The following NAALADL2 variants were observed in gnomAD, a reference collection of about 807,000 sequenced individuals.
The protein encoded by NAALADL2 is N-acetylated alpha-linked acidic dipeptidase like 2, also known as inactive N-acetylated-alpha-linked acidic dipeptidase-like protein 2.
In NAALADL2, 76 loss-of-function variants were observed where a neutral mutation model predicts 87.2. The observed-to-expected ratio is 0.87, with a 90% confidence interval of 0.72 to 1.05. The LOEUF is 1.05. Ranked by LOEUF, NAALADL2 falls within the 50% of genes least tolerant of loss-of-function variation. The probability of loss-of-function intolerance (pLI) is 0.00; values close to 1 mark genes in which losing one functional copy is unlikely to be tolerated. For synonymous variants in NAALADL2, 354 were observed against 331.0 expected (o/e 1.07, Z -0.75); for missense variants, 1,089 against 945.8 (o/e 1.15, Z -1.99).
intron 7 of NAALADL2, among the ~76,000 whole-genome samples, chr3:175,464,423 C>CAA (rs11299560): frequency 1.9e-4 from 18 of 97,164 alleles, no homozygotes; most frequent in Middle Eastern, 6.0e-3. Context: ...GACTCCATCT[C>CAA]AAAAAAAAAA....
intron 1 of NAALADL2, among the ~76,000 whole-genome samples, chr3:175,088,103 T>A (rs1719398732): frequency 6.6e-6 from 1 of 152,168 alleles, no homozygotes; most frequent in African/African-American, 2.4e-5. Flanking sequence ...CTTTAGTTTA[T>A]AAGGAACACA....
At chr3:175,471,473 T>C (rs1304865909) in intron 8 of NAALADL2, among the ~76,000 whole-genome samples, 166 bp from the exon 9 acceptor site, 2 of 100,152 alleles carry the variant, frequency 2.0e-5, no homozygotes, top group Non-Finnish European at 3.7e-5. Context: ...AGAGTCTGTC[T>C]CAAAAAAAAA....
chr3:175,140,309 C>T (rs1031915886), intron 2 of NAALADL2, among the ~76,000 whole-genome samples: 1 of 152,056 alleles, frequency 6.6e-6, no homozygotes, highest in Non-Finnish European at 1.5e-5. Context: ...CATTAGATGT[C>T]AGGTATTCAG....
At chr3:175,026,102 T>C (rs554295543) in intron 1 of NAALADL2, among the ~76,000 whole-genome samples, 14 of 152,274 alleles carry the variant, frequency 9.2e-5, no homozygotes, top group African/African-American at 3.4e-4. Flanking sequence ...TAAGCCACTG[T>C]ACCTGGCTGT....
At chr3:174,782,732 C>G (rs1716141310) in intron 3 of NAALADL2, among the ~76,000 whole-genome samples, 1 of 151,964 alleles carries the variant, frequency 6.6e-6, no homozygotes, top group Non-Finnish European at 1.5e-5. Flanking sequence ...TCCTTCTTCA[C>G]ATGTTGGCGA....
intron 3 of NAALADL2, among the ~76,000 whole-genome samples, chr3:174,739,164 T>C (rs1733510240): frequency 6.6e-6 from 1 of 152,072 alleles, no homozygotes; most frequent in Non-Finnish European, 1.5e-5. Context: ...TTATTTTATT[T>C]TTTACAGCAG....
intron 3 of NAALADL2, among the ~76,000 whole-genome samples, chr3:174,833,618 C>G (rs1317688368): frequency 1.3e-5 from 2 of 151,996 alleles, no homozygotes; most frequent in Non-Finnish European, 2.9e-5. Context: ...AAAAACTATA[C>G]TTTTATGTAT....
chr3:175,084,272 T>C (rs186962032), intron 1 of NAALADL2, among the ~76,000 whole-genome samples: 10 of 152,210 alleles, frequency 6.6e-5, no homozygotes, highest in Admixed American at 6.5e-4. Context: ...TACAGGCAGG[T>C]CTCAGCTGGC....
rs551391969 is a variant in NAALADL2 at position 175,786,340 on chromosome 3, A to G, written c.2190-16665A>G. Among the ~76,000 whole-genome samples the G allele has an allele frequency of 8.7e-4, 132 of 152,300 alleles. 1 individual carries two copies. Among genetic ancestry groups the G allele is most frequent in the African/African-American group, 3.0e-3 (123 of 41,562 alleles). ...CTCCCCATCACTTTCAGGTACACCA[A>G]TGAGATGTAGATTTGGTCTTTTCAC... On this transcript the variant is annotated intron_variant, in intron 13 of 13. Coordinates refer to ENST00000454872, the MANE Select transcript of NAALADL2 (RefSeq NM_207015.3).
intron 2 of NAALADL2, among the ~76,000 whole-genome samples, chr3:174,659,727 G>A (rs781641721): frequency 2.0e-5 from 3 of 152,086 alleles, no homozygotes; most frequent in Non-Finnish European, 2.9e-5. Context: ...TACTTCCCTG[G>A]GGCTATGTCT....
intron 2 of NAALADL2, among the ~76,000 whole-genome samples, chr3:174,587,216 C>A (rs1716826841): frequency 6.6e-6 from 1 of 152,092 alleles, no homozygotes; most frequent in Non-Finnish European, 1.5e-5. Context: ...GCCACATTTT[C>A]TTAATCCAGT....
chr3:175,365,413 C>T (rs1219119072), intron 5 of NAALADL2, among the ~76,000 whole-genome samples: 2 of 147,222 alleles, frequency 1.4e-5, no homozygotes, highest in Non-Finnish European at 3.0e-5. Flanking sequence ...AAAACTGATC[C>T]GAATTCACAG....
intron 5 of NAALADL2, among the ~76,000 whole-genome samples, chr3:175,443,464 G>A (rs1377119199): frequency 6.6e-6 from 1 of 152,110 alleles, no homozygotes; most frequent in Non-Finnish European, 1.5e-5. Context: ...TTTAGGGCAA[G>A]GATAATCAGC....
In NAALADL2 at chr3:175,698,483, T is replaced by TATATA. The variant is rs1560995887; in HGVS notation, c.1897-38823_1897-38822insATATA. The stretch of plus-strand genomic sequence containing the variant: ...TGTGTATATATGTGTGTATATATAT[T>TATATA]TATATATATATATATATATAAAATC... On this transcript the variant is annotated intron_variant, in intron 11 of 13. Transcript: ENST00000454872. 1.1e-3 allele frequency among the ~76,000 whole-genome samples: 77 copies of TATATA among 67,738 alleles called. 11 individuals are homozygous for TATATA. Among genetic ancestry groups the TATATA allele is most frequent in the African/African-American group, 6.3e-3 (70 of 11,056 alleles). 44.4% of individuals were successfully genotyped at this position (67,738 alleles called of 152,430 possible).
intron 11 of NAALADL2, among the ~76,000 whole-genome samples, chr3:175,701,146 GAGA>G (rs1353418561): frequency 2.0e-5 from 3 of 152,226 alleles, no homozygotes; most frequent in South Asian, 2.1e-4. Context: ...AGTGCAGAAG[GAGA>G]AGATTTCAGG....
At chr3:175,046,730 C>G (rs748731654) in intron 1 of NAALADL2, among the ~76,000 whole-genome samples, 3 of 152,180 alleles carry the variant, frequency 2.0e-5, no homozygotes, top group Non-Finnish European at 4.4e-5. Flanking sequence ...AGCTGCATTT[C>G]AAGAACAACA....
chr3:175,234,203 A>G lies in NAALADL2; in HGVS notation c.818A>G (p.Lys273Arg), dbSNP rs777110262. The G allele has an allele frequency of 6.2e-7, 1 of 1,613,040 alleles. No homozygotes were observed. The highest frequency in any genetic ancestry group is 2.2e-5 in the East Asian group (1 of 44,874). Residue 273 changes from lysine to arginine, a missense_variant and splice_region_variant, in exon 3 of 14, where the codon AAG becomes AGG. By Grantham distance (26) the Lys-to-Arg change is conservative. Transcript: ENST00000454872. ...GCCTATTCTGCCAAAGGAACTCTCA[A>G]GGTAATATGACCATTTGTCTCTGTC... is the stretch of plus-strand genomic sequence containing the variant. Reference protein sequence around the residue: ...YAAYSAKGTLKAEVIDVSYGM... With the variant: ...YAAYSAKGTLRAEVIDVSYGM...
At chr3:175,360,235 T>C (rs1319084708) in intron 5 of NAALADL2, among the ~76,000 whole-genome samples, 1 of 152,140 alleles carries the variant, frequency 6.6e-6, no homozygotes, top group Non-Finnish European at 1.5e-5. Context: ...ATTTCAATTT[T>C]CTAAAAGTTC....
intron 2 of NAALADL2, among the ~76,000 whole-genome samples, chr3:174,705,297 A>T (rs1360677398): frequency 6.6e-6 from 1 of 152,222 alleles, no homozygotes; most frequent in Admixed American, 6.5e-5. Context: ...AATACCATAC[A>T]GACAGTAGCC....
Sources: gnomAD v4.1 joint callset for allele counts (sites outside exome capture counted in the v4.1 genomes callset) on GRCh38, gnomAD v4.1.1 for gene constraint, MANE v1.5 for transcripts, NCBI Gene and HGNC (gene_info 2026-07-23, HGNC 2026-07-21) for gene names.